Variants in KCNIP4 observed in about 807,000 individuals in gnomAD.
The protein encoded by KCNIP4 is Kv channel-interacting protein 4.
KCNIP4 carries 12 observed loss-of-function variants against 34.0 expected under a neutral mutation model. That is an observed-to-expected ratio of 0.35 (90% CI 0.23 to 0.57). The LOEUF is 0.57. Among genes scored for constraint, KCNIP4 ranks in the 20% least tolerant of loss-of-function variants. KCNIP4 has a pLI of 0.83. For synonymous variants in KCNIP4, 124 were observed against 102.2 expected (o/e 1.21, Z -1.29); for missense variants, 238 against 311.7 (o/e 0.76, Z 1.78).
chr4:21,619,180 A>C (rs1744839097), intron 1 of KCNIP4, among the ~76,000 whole-genome samples: 1 of 152,196 alleles, frequency 6.6e-6, no homozygotes, highest in South Asian at 2.1e-4. Flanking sequence ...CCTCGTTCAG[A>C]ACTATTTTCA....
chr4:21,823,631 G>A (rs1247011269), intron 1 of KCNIP4, among the ~76,000 whole-genome samples: 3 of 152,064 alleles, frequency 2.0e-5, no homozygotes, highest in Non-Finnish European at 2.9e-5. Context: ...TAGGGTAAGG[G>A]AAGGATGCTG....
In KCNIP4 at chr4:21,019,416, G is replaced by A. The variant is rs142487567; in HGVS notation, c.62-136707C>T. 3.4e-3 allele frequency among the ~76,000 whole-genome samples: 516 copies of A among 152,096 alleles called. 3 individuals are homozygous for A. The highest frequency in any genetic ancestry group is 0.011 in the African/African-American group (449 of 41,502). ...CAGGTAATCTGCCTGACTCTGCCTC[G>A]CAAAGTGCTGGGATTACAGGCGTGA... On this transcript the variant is annotated intron_variant, in intron 1 of 8. Coordinates refer to ENST00000382152, the MANE Select transcript of KCNIP4 (RefSeq NM_025221.6).
Position 21,054,050 on chromosome 4 carries a change from A to AGATATTGACAAAATGTC in KCNIP4, c.62-171342_62-171341insGACATTTTGTCAATATC, listed in dbSNP as rs1181775629. ...CAAAATGTAGATATTGACAAAATGT[A>AGATATTGACAAAATGTC]GATACTGACAAAATGATTCTACATA... On this transcript the variant is annotated intron_variant, in intron 1 of 8. Coordinates refer to ENST00000382152, the MANE Select transcript of KCNIP4 (RefSeq NM_025221.6). 3.0e-3 allele frequency among the ~76,000 whole-genome samples: 463 copies of AGATATTGACAAAATGTC among 152,288 alleles called. 1 individual carries two copies. The highest frequency in any genetic ancestry group is 0.011 in the African/African-American group (453 of 41,574).
At chr4:21,004,401 A>G (rs1738385239) in intron 1 of KCNIP4, among the ~76,000 whole-genome samples, 1 of 152,216 alleles carries the variant, frequency 6.6e-6, no homozygotes. Flanking sequence ...AGAGGAATAC[A>G]TTGGGCCAAG....
chr4:20,868,455 G>A (rs1460886944), intron 2 of KCNIP4, among the ~76,000 whole-genome samples: 1 of 151,946 alleles, frequency 6.6e-6, no homozygotes, highest in Non-Finnish European at 1.5e-5. Flanking sequence ...CTTAAAACAG[G>A]GCTACCATTT....
At chr4:21,626,186 G>A (rs2323070) in intron 1 of KCNIP4, among the ~76,000 whole-genome samples, 80,433 of 151,700 alleles carry the variant, frequency 0.53, 21,757 homozygotes, top group African/African-American at 0.63. Flanking sequence ...CTAAGACTGA[G>A]CAGTTAAGGG....
At chr4:20,840,122 A>G (rs923323243) in intron 3 of KCNIP4, among the ~76,000 whole-genome samples, 11 of 152,216 alleles carry the variant, frequency 7.2e-5, no homozygotes, top group African/African-American at 2.7e-4. Flanking sequence ...CTTGCTAGAC[A>G]ACATTTTATA....
At chr4:21,365,529 T>TAAATAAA (rs1289110186) in intron 1 of KCNIP4, among the ~76,000 whole-genome samples, 6 of 39,390 alleles carry the variant, frequency 1.5e-4, no homozygotes, top group South Asian at 1.3e-3. Context: ...AAATAAAAAA[T>TAAATAAA]AAAGAAAGAA....
At chr4:20,931,632 G>C (rs781507841) in intron 1 of KCNIP4, among the ~76,000 whole-genome samples, 1 of 152,036 alleles carries the variant, frequency 6.6e-6, no homozygotes, top group East Asian at 1.9e-4. Context: ...ATAATCTTAT[G>C]GGACTACCAT....
chr4:21,103,202 T>C lies in KCNIP4; in HGVS notation c.62-220493A>G, dbSNP rs191938374. Among the ~76,000 whole-genome samples, 126 of 151,242 alleles carry C rather than the reference T, an allele frequency of 8.3e-4. No individual in the cohort carries two copies. In the East Asian group the frequency reaches 0.018, roughly 21 times the overall value. On this transcript the variant is annotated intron_variant, in intron 1 of 8. Transcript: ENST00000382152. ...ACCAACTTTGTGATCTTGGGTAAACTGTAAGGTTTCTCTGAGATTCAGTTT... is the reference window on the plus strand; with the variant it reads ...ACCAACTTTGTGATCTTGGGTAAACCGTAAGGTTTCTCTGAGATTCAGTTT...
intron 1 of KCNIP4, among the ~76,000 whole-genome samples, chr4:21,010,128 CACTT>C (rs1429325966): frequency 1.3e-5 from 2 of 152,176 alleles, no homozygotes; most frequent in African/African-American, 4.8e-5. Context: ...GTAGGTCACA[CACTT>C]ACTGCTAATT....
intron 1 of KCNIP4, among the ~76,000 whole-genome samples, chr4:21,339,139 G>C (rs1022879454): frequency 2.6e-5 from 4 of 152,170 alleles, no homozygotes; most frequent in African/African-American, 9.7e-5. Context: ...GATAAAGCAT[G>C]ATCGCTGTCT....
At chr4:21,376,394 A>G in intron 1 of KCNIP4, among the ~76,000 whole-genome samples, 1 of 33,256 alleles carries the variant, frequency 3.0e-5, no homozygotes, top group South Asian at 6.8e-4. Flanking sequence ...TGATGCCATA[A>G]AGCATTGCCA....
At chr4:21,148,749 C>T (rs1349864757) in intron 1 of KCNIP4, among the ~76,000 whole-genome samples, 2 of 150,626 alleles carry the variant, frequency 1.3e-5, no homozygotes, top group African/African-American at 4.9e-5. Context: ...CAAATCACAG[C>T]AAATAACAAT....
intron 1 of KCNIP4, among the ~76,000 whole-genome samples, chr4:21,569,817 A>C (rs751360188): frequency 2.0e-5 from 3 of 152,088 alleles, no homozygotes; most frequent in Non-Finnish European, 4.4e-5. Flanking sequence ...AGAATGAACG[A>C]ATCTGAAAGG....
intron 1 of KCNIP4, among the ~76,000 whole-genome samples, chr4:21,446,637 A>AG (rs1280063537): frequency 3.4e-5 from 2 of 58,204 alleles, no homozygotes; most frequent in African/African-American, 7.0e-5. Flanking sequence ...GGGTGGGGGG[A>AG]GGGGGGAGGG....
At chr4:21,551,359 C>T (rs1455865205) in intron 1 of KCNIP4, among the ~76,000 whole-genome samples, 4 of 151,848 alleles carry the variant, frequency 2.6e-5, no homozygotes, top group African/African-American at 9.7e-5. Context: ...TAAATTTTAC[C>T]ACACTGAATA....
intron 1 of KCNIP4, among the ~76,000 whole-genome samples, chr4:21,183,887 G>A (rs1331832035): frequency 6.6e-6 from 1 of 151,872 alleles, no homozygotes; most frequent in East Asian, 1.9e-4. Context: ...GATACTTCTG[G>A]TCACCCTGTC....
At chr4:21,064,963 C>T (rs1185329678) in intron 1 of KCNIP4, among the ~76,000 whole-genome samples, 4 of 152,048 alleles carry the variant, frequency 2.6e-5, no homozygotes, top group Admixed American at 2.0e-4. Context: ...TAAATTATTG[C>T]CAATATTTAA....
Sources: gnomAD v4.1 joint callset for allele counts (sites outside exome capture counted in the v4.1 genomes callset) on GRCh38, gnomAD v4.1.1 for gene constraint, MANE v1.5 for transcripts, NCBI Gene and HGNC (gene_info 2026-07-23, HGNC 2026-07-21) for gene names.